The following HECW1 variants were observed in gnomAD, a reference collection of about 807,000 sequenced individuals.
HECW1 encodes the protein E3 ubiquitin-protein ligase HECW1.
HECW1 carries 61 observed loss-of-function variants against 182.3 expected under a neutral mutation model. That is an observed-to-expected ratio of 0.33 (90% CI 0.27 to 0.41). The LOEUF (loss-of-function observed/expected upper bound fraction) is 0.41. HECW1 is among the 10% of genes least tolerant of loss of function. The pLI, the probability that HECW1 is intolerant of heterozygous loss-of-function variation, is 1.00. For synonymous variants in HECW1, 859 were observed against 832.6 expected (o/e 1.03, Z -0.55); for missense variants, 1,739 against 2,108.9 (o/e 0.82, Z 3.44).
intron 7 of HECW1, among the ~76,000 whole-genome samples, chr7:43,404,941 A>T (rs1331366018): frequency 2.0e-5 from 3 of 151,960 alleles, no homozygotes; most frequent in Non-Finnish European, 2.9e-5. Context: ...ACACCATTGC[A>T]CTCCAGCCTG....
At chr7:43,187,065 G>C (rs6970853) in intron 2 of HECW1, among the ~76,000 whole-genome samples, 33,678 of 147,482 alleles carry the variant, frequency 0.23, 3,959 homozygotes, top group Non-Finnish European at 0.25. Flanking sequence ...CAAGACGTCA[G>C]TCAAAACTAC....
chr7:43,264,837 C>G (rs1015743936), intron 3 of HECW1, among the ~76,000 whole-genome samples: 9 of 94,304 alleles, frequency 9.5e-5, no homozygotes, highest in African/African-American at 3.2e-4. Flanking sequence ...GAGTGAGACT[C>G]GGTTTAAAAA....
At chr7:43,447,828 A>G (rs80294570) in intron 11 of HECW1, among the ~76,000 whole-genome samples, 7,751 of 152,222 alleles carry the variant, frequency 0.051, 254 homozygotes, top group South Asian at 0.082. Context: ...CCTTTACTGT[A>G]GAAACTGCAT....
At chr7:43,288,982 G>T (rs1271846305) in intron 3 of HECW1, among the ~76,000 whole-genome samples, 2 of 152,164 alleles carry the variant, frequency 1.3e-5, no homozygotes, top group East Asian at 1.9e-4. Flanking sequence ...CACAGGCAGG[G>T]CCTTTTGTCT....
intron 3 of HECW1, among the ~76,000 whole-genome samples, chr7:43,282,098 T>C (rs1197676380): frequency 6.6e-6 from 1 of 152,258 alleles, no homozygotes; most frequent in Non-Finnish European, 1.5e-5. Flanking sequence ...TACTGCTAGA[T>C]TGAAGGACAT....
chr7:43,497,441 G>A (rs2152922110), intron 19 of HECW1, among the ~76,000 whole-genome samples: 1 of 152,218 alleles, frequency 6.6e-6, no homozygotes, highest in Admixed American at 6.5e-5. Context: ...AAAGAAATAT[G>A]ATTGCATCTG....
Position 43,456,326 on chromosome 7 carries a change from C to T in HECW1, c.2530C>T (p.Arg844Trp). 6.2e-7 allele frequency: 1 copy of T among 1,613,212 alleles called. No homozygotes were observed. The highest frequency in any genetic ancestry group is 8.5e-7 in the Non-Finnish European group (1 of 1,179,518). ...GGAAGCTCGAATTGACAGCCACGGGCGGGTCTTTTATGTGGACCACGTGAA... is the reference window on the plus strand; with the variant it reads ...GGAAGCTCGAATTGACAGCCACGGGTGGGTCTTTTATGTGGACCACGTGAA... ...NWEARIDSHGRVFYVDHVNRT... is the reference protein window; with the variant it reads ...NWEARIDSHGWVFYVDHVNRT... Residue 844 changes from arginine to tryptophan, a missense_variant, in exon 13 of 30, where the codon CGG becomes TGG. Around this residue, in one of 5 missense-constraint regions of HECW1, gnomAD observed 971 missense variants for 1,029.1 expected, o/e 0.94. Coordinates refer to ENST00000395891, the MANE Select transcript of HECW1 (RefSeq NM_015052.5).
At chr7:43,506,698 G>T (rs1399444224) in intron 21 of HECW1, among the ~76,000 whole-genome samples, 9 of 151,910 alleles carry the variant, frequency 5.9e-5, no homozygotes, top group Non-Finnish European at 1.3e-4. Flanking sequence ...TAGGTGGGCG[G>T]ATCACTTGAG....
chr7:43,217,963 G>C (rs960757577), intron 2 of HECW1, among the ~76,000 whole-genome samples: 1 of 152,106 alleles, frequency 6.6e-6, no homozygotes, highest in Non-Finnish European at 1.5e-5. Context: ...GGATTTCCTC[G>C]AAGAAAAGCC....
intron 2 of HECW1, among the ~76,000 whole-genome samples, chr7:43,209,831 G>A (rs1795841706): frequency 6.6e-6 from 1 of 152,186 alleles, no homozygotes; most frequent in Non-Finnish European, 1.5e-5. Context: ...AGAGTGAAGG[G>A]AGCATTAATA....
chr7:43,211,435 C>T (rs113610829), intron 2 of HECW1, among the ~76,000 whole-genome samples: 27 of 152,206 alleles, frequency 1.8e-4, no homozygotes, highest in African/African-American at 3.1e-4. Context: ...ACCCTGTGGA[C>T]GCTAGGGATG....
At chr7:43,310,070 A>G (rs1376958500) in intron 3 of HECW1, among the ~76,000 whole-genome samples, 1 of 152,238 alleles carries the variant, frequency 6.6e-6, no homozygotes, top group East Asian at 1.9e-4. Flanking sequence ...CTCAGCTTTG[A>G]TTATGGTCTA....
chr7:43,418,726 T>C (rs1285884851), intron 8 of HECW1, among the ~76,000 whole-genome samples: 1 of 152,242 alleles, frequency 6.6e-6, no homozygotes, highest in Non-Finnish European at 1.5e-5. Context: ...CATAAGTTAA[T>C]ATTTTCCTTT....
intron 2 of HECW1, among the ~76,000 whole-genome samples, chr7:43,122,266 T>C (rs986435728): frequency 3.3e-5 from 5 of 152,198 alleles, no homozygotes; most frequent in African/African-American, 1.2e-4. Flanking sequence ...AATCCTGTCT[T>C]TCTCCTGATC....
At chr7:43,169,309 C>G (rs975841678) in intron 2 of HECW1, among the ~76,000 whole-genome samples, 3 of 152,182 alleles carry the variant, frequency 2.0e-5, no homozygotes, top group African/African-American at 2.4e-5. Flanking sequence ...GGGCTGGACA[C>G]TTTATTGTCA....
chr7:43,363,128 TCA>T (rs1397860313), intron 6 of HECW1, among the ~76,000 whole-genome samples: 1 of 152,242 alleles, frequency 6.6e-6, no homozygotes, highest in East Asian at 1.9e-4. Flanking sequence ...TGACACATCA[TCA>T]CAGTGTTGTG....
intron 15 of HECW1, among the ~76,000 whole-genome samples, chr7:43,467,674 G>C (rs1394442845): frequency 6.6e-6 from 1 of 152,118 alleles, no homozygotes; most frequent in Non-Finnish European, 1.5e-5. Flanking sequence ...CCTAAGGAAG[G>C]GGTGGGAGCA....
intron 3 of HECW1, among the ~76,000 whole-genome samples, chr7:43,275,301 T>G (rs1213391578): frequency 6.6e-6 from 1 of 152,194 alleles, no homozygotes; most frequent in African/African-American, 2.4e-5. Context: ...AACATAATGT[T>G]ACATAAGTAA....
At chr7:43,374,881 T>C (rs1461400623) in intron 6 of HECW1, among the ~76,000 whole-genome samples, 1 of 151,804 alleles carries the variant, frequency 6.6e-6, no homozygotes, top group East Asian at 1.9e-4. Context: ...AAATTGAAAT[T>C]CTTCATATTT....
Sources: allele counts gnomAD v4.1 joint callset (sites outside exome capture counted in the v4.1 genomes callset), GRCh38; gene constraint gnomAD v4.1.1; regional missense constraint gnomAD v4.1.1; transcripts MANE v1.5; gene names NCBI Gene and HGNC (gene_info 2026-07-23, HGNC 2026-07-21).